NFATC3: variants seen among roughly 807,000 people sequenced by gnomAD.
NFATC3 encodes the protein nuclear factor of activated T-cells, cytoplasmic 3.
NFATC3 carries 46 observed loss-of-function variants against 98.6 expected under a neutral mutation model. The observed-to-expected ratio is 0.47, with a 90% CI of 0.37 to 0.60. The LOEUF (loss-of-function observed/expected upper bound fraction) is 0.60, where lower values mean the gene tolerates loss of function less well. Among genes scored for constraint, NFATC3 ranks in the 20% least tolerant of loss-of-function variants. The probability of loss-of-function intolerance (pLI) is 0.00; values close to 1 mark genes in which losing one functional copy is unlikely to be tolerated. For missense variants in NFATC3, 1,256 were observed against 1,295.5 expected, an observed-to-expected ratio of 0.97 and a Z score of 0.47; for synonymous variants, 512 against 472.2, an observed-to-expected ratio of 1.08 and a Z score of -1.09.
At chr16:68,159,119 C>G (rs1174063762) in intron 4 of NFATC3, among the ~76,000 whole-genome samples, 1 of 152,162 alleles carries the variant, frequency 6.6e-6, no homozygotes, top group African/African-American at 2.4e-5. Context: ...GTAGTCCCAG[C>G]TACTTGGGAG....
At chr16:68,104,070 T>C (rs1047552346) in intron 1 of NFATC3, among the ~76,000 whole-genome samples, 5 of 152,214 alleles carry the variant, frequency 3.3e-5, no homozygotes, top group African/African-American at 1.2e-4. Flanking sequence ...CTTTTCCATT[T>C]CTCTAGAAAA....
chr16:68,153,378 C>T (rs768214293), intron 3 of NFATC3, among the ~76,000 whole-genome samples: 2 of 152,074 alleles, frequency 1.3e-5, no homozygotes, highest in South Asian at 2.1e-4. Flanking sequence ...GCCAGGATTG[C>T]GCCATTGCAC....
intron 1 of NFATC3, among the ~76,000 whole-genome samples, chr16:68,119,114 G>A (rs1222593601): frequency 6.6e-6 from 1 of 152,062 alleles, no homozygotes; most frequent in Non-Finnish European, 1.5e-5. Flanking sequence ...TGATCCACCC[G>A]CCTCGGCCTC....
chr16:68,085,568 C>A lies in NFATC3; in HGVS notation c.-114C>A. 1 of 902,736 alleles carries A rather than the reference C, an allele frequency of 1.1e-6. No homozygotes were observed. The highest frequency in any genetic ancestry group is 1.8e-5 in the African/African-American group (1 of 55,588). The allele number at this position is 902,736 out of a possible 1,614,324, so 55.9% of individuals were successfully genotyped here. A position where few individuals can be genotyped will look rare whatever the true frequency, so the allele number is the denominator to read the frequency against. On this transcript the variant is annotated 5_prime_UTR_variant, in exon 1 of 10. Transcript: ENST00000346183. ...GCCCGGAAAGTTTGCCGTGGAGTCG[C>A]GACCTCTTGGCCCGCGCGGCCCGGC...
Position 68,122,224 on chromosome 16 carries a change from C to T in NFATC3, c.341C>T (p.Thr114Ile). Residue 114 changes from threonine (T) to isoleucine (I), a missense_variant, in exon 2 of 10, where the codon ACA becomes ATA. Physicochemically the swap from Thr to Ile is moderately conservative, Grantham distance 89 (BLOSUM62 -1). Transcript: ENST00000346183. ...TTTGAGTGCCCAAGTATTCAAATTA[C>T]ATCTATCTCTCCTAACTGTCATCAA... ...KPFECPSIQI[T>I]SISPNCHQEL... The T allele has an allele frequency of 6.2e-7, 1 of 1,614,168 alleles. No individual in the cohort carries two copies. Among genetic ancestry groups the T allele is most frequent in the Non-Finnish European group, 8.5e-7 (1 of 1,180,030 alleles).
Position 68,228,057 on chromosome 16 carries a change from A to G in NFATC3, c.*1586A>G, listed in dbSNP as rs2042070328. 6.6e-6 allele frequency: 1 copy of G among 152,212 alleles called. No individual in the cohort carries two copies. The highest frequency in any genetic ancestry group is 1.5e-5 in the Non-Finnish European group (1 of 68,050). The allele number at this position is 152,212 out of a possible 1,614,324, so 9.4% of individuals were successfully genotyped here. A position where few individuals can be genotyped will look rare whatever the true frequency, so the allele number is the denominator to read the frequency against. On this transcript the variant is annotated 3_prime_UTR_variant, in exon 10 of 10. Transcript: ENST00000346183. ...ACTAAGGCCAGTTCAGGTCTGGGAAAGGGAGCTGGCCTATTGCCCACCACC... is the reference window on the plus strand; with the variant it reads ...ACTAAGGCCAGTTCAGGTCTGGGAAGGGGAGCTGGCCTATTGCCCACCACC...
chr16:68,189,170 T>C (rs182906935), intron 8 of NFATC3: 1 of 152,356 alleles, frequency 6.6e-6, no homozygotes, highest in East Asian at 1.9e-4. Flanking sequence ...ACATTGATTA[T>C]GTCTATCCTT....
chr16:68,192,251 A>ATATATATATATATATATGTATG (rs1427447833), intron 9 of NFATC3: 9 of 109,120 alleles, frequency 8.2e-5, no homozygotes, highest in African/African-American at 2.5e-4. Context: ...ATATATATAT[A>ATATATATATATATATATGTATG]TATGTATGTG....
intron 9 of NFATC3, chr16:68,225,836 G>A (rs543315604): frequency 6.6e-6 from 1 of 152,318 alleles, no homozygotes; most frequent in African/African-American, 2.4e-5. Flanking sequence ...GAGATGCTTA[G>A]GACATCAGAG....
At chr16:68,132,743 T>C (rs910890025) in intron 3 of NFATC3, among the ~76,000 whole-genome samples, 15 of 152,246 alleles carry the variant, frequency 9.9e-5, no homozygotes, top group Non-Finnish European at 1.9e-4. Context: ...GAGGACATTA[T>C]ATTAAATGAA....
rs969173357 is a variant in NFATC3, at chr16:68,088,436, CTA to C, written c.103+2657_103+2658del. Among the ~76,000 whole-genome samples the C allele has an allele frequency of 1.4e-3, 192 of 138,744 alleles. 2 individuals carry two copies. Among genetic ancestry groups the C allele is most frequent in the African/African-American group, 4.7e-3 (181 of 38,118 alleles). The allele number at this position is 138,744 out of a possible 152,430, so 91.0% of individuals were successfully genotyped here. ...ATTATATACATTATATACTCATATACTATATAATATATAAAATGCATATAATT... is the reference window on the plus strand; with the variant it reads ...ATTATATACATTATATACTCATATACTATAATATATAAAATGCATATAATT... On this transcript the variant is annotated intron_variant, in intron 1 of 9. Coordinates refer to ENST00000346183, the MANE Select transcript of NFATC3 (RefSeq NM_173165.3).
chr16:68,201,291 C>T (rs755360106), intron 9 of NFATC3, among the ~76,000 whole-genome samples: 1 of 151,892 alleles, frequency 6.6e-6, no homozygotes, highest in African/African-American at 2.4e-5. Flanking sequence ...AGTGCAGTGG[C>T]GTGATCATGG....
At chr16:68,128,606 G>A (rs1346198290) in intron 3 of NFATC3, among the ~76,000 whole-genome samples, 1 of 151,616 alleles carries the variant, frequency 6.6e-6, no homozygotes, top group African/African-American at 2.4e-5. Context: ...AAAAAACAAC[G>A]TTAAAAAACA....
chr16:68,127,718 T>C (rs1363753631), intron 3 of NFATC3, among the ~76,000 whole-genome samples: 1 of 151,240 alleles, frequency 6.6e-6, no homozygotes, highest in Admixed American at 6.6e-5. Context: ...TCCTAAAATA[T>C]CTTTCTAAGG....
rs2042075711 is a variant in NFATC3 at position 68,228,361 on chromosome 16, C to G, written c.*1890C>G. ...AGAAGTTGGCCTCTCGGTTGACATT[C>G]CAGAGAAATGGCCAGACTTGCCCCT... On this transcript the variant is annotated 3_prime_UTR_variant, in exon 10 of 10. Coordinates refer to ENST00000346183, the MANE Select transcript of NFATC3 (RefSeq NM_173165.3). The G allele has an allele frequency of 6.6e-6, 1 of 152,082 alleles. No homozygotes were observed. The highest frequency in any genetic ancestry group is 1.5e-5 in the Non-Finnish European group (1 of 68,020). The allele number at this position is 152,082 out of a possible 1,614,324, so 9.4% of individuals were successfully genotyped here.
At chr16:68,168,958 T>A (rs1325815516) in intron 5 of NFATC3, among the ~76,000 whole-genome samples, 1 of 152,204 alleles carries the variant, frequency 6.6e-6, no homozygotes, top group Non-Finnish European at 1.5e-5. Context: ...TTAAAAAATA[T>A]ATTCTTTGTA....
chr16:68,120,783 C>T (rs1369481891), intron 1 of NFATC3, among the ~76,000 whole-genome samples: 1 of 151,944 alleles, frequency 6.6e-6, no homozygotes, highest in East Asian at 1.9e-4. Flanking sequence ...AACTCTCCTA[C>T]CTTTGACTAC....
At chr16:68,144,866 C>T (rs1303693273) in intron 3 of NFATC3, among the ~76,000 whole-genome samples, 2 of 152,082 alleles carry the variant, frequency 1.3e-5, no homozygotes, top group African/African-American at 4.8e-5. Flanking sequence ...ACATGTTGGC[C>T]AGGCTGGTCC....
chr16:68,121,451 G>T (rs991766479), intron 1 of NFATC3, among the ~76,000 whole-genome samples: 22 of 151,300 alleles, frequency 1.5e-4, no homozygotes, highest in Non-Finnish European at 7.4e-5. Flanking sequence ...GGAGGCTAAG[G>T]TGGGAGGATA....
Sources: allele counts gnomAD v4.1 joint callset (sites outside exome capture counted in the v4.1 genomes callset), GRCh38; gene constraint gnomAD v4.1.1; transcripts MANE v1.5; gene names NCBI Gene and HGNC (gene_info 2026-07-23, HGNC 2026-07-21).